The following DACT2 variants were observed in gnomAD, a reference collection of about 807,000 sequenced individuals.
DACT2 encodes dishevelled binding antagonist of beta catenin 2.
In DACT2, 20 loss-of-function variants were observed where a neutral mutation model predicts 22.2. That is an observed-to-expected ratio of 0.90 (90% CI 0.63 to 1.31). DACT2 has a LOEUF of 1.31. DACT2 is among the 50% of genes most tolerant of loss of function. The probability of loss-of-function intolerance (pLI) is 0.00; values close to 1 mark genes in which losing one functional copy is unlikely to be tolerated. For synonymous variants in DACT2, 463 were observed against 479.8 expected (o/e 0.96, Z 0.46); for missense variants, 1,048 against 1,061.4 (o/e 0.99, Z 0.18).
At position 168,319,743 on chromosome 6, in the gene DACT2, C is replaced by G; in HGVS notation, c.-110G>C. On this transcript the variant is annotated 5_prime_UTR_variant, in exon 1 of 4. Coordinates refer to ENST00000366795, the MANE Select transcript of DACT2 (RefSeq NM_214462.5). ...CCTCCTGCGCCTCCTCTCTCCGCCC[C>G]CGGCTCCGCAGGTCGCCAAGGTGGG... The G allele has an allele frequency of 2.5e-6, 3 of 1,179,276 alleles. No individual in the cohort carries two copies. Among genetic ancestry groups the G allele is most frequent in the Non-Finnish European group, 3.1e-6 (3 of 954,164 alleles). The allele number at this position is 1,179,276 out of a possible 1,614,324, so 73.1% of individuals were successfully genotyped here.
At position 168,307,685 on chromosome 6, in the gene DACT2, G is replaced by A. The variant is rs1405270512; in HGVS notation, c.2072C>T (p.Thr691Ile). The change falls in exon 4 of 4, where the codon ACC (threonine) becomes ATC (isoleucine). Residue 691 changes from threonine to isoleucine, a missense_variant. Thr to Ile is a moderately conservative substitution (Grantham distance 89). Transcript: ENST00000366795. The surrounding 1 kb of genome is among the most constrained non-coding windows in gnomAD (Gnocchi z 5.3). ...TSEGESSDHT[T>I]NRFGDRESSS... ...GGACTCACGGTCTCCGAATCGGTTG[G>A]TGGTGTGGTCACTGGACTCTCCCTC... is the stretch of plus-strand genomic sequence containing the variant. The A allele has an allele frequency of 2.6e-6, 4 of 1,550,278 alleles. No homozygotes were observed. Among genetic ancestry groups the A allele is most frequent in the African/African-American group, 2.7e-5 (2 of 73,052 alleles).
At chr6:168,297,785 C>T (rs911262849) in intron 3 of DACT2, among the ~76,000 whole-genome samples, 4 of 152,196 alleles carry the variant, frequency 2.6e-5, no homozygotes, top group Non-Finnish European at 4.4e-5. Flanking sequence ...GAAACGGCAA[C>T]GTAAGAGTCC....
chr6:168,309,470 C>CGTTTGCGTGT (rs59843126), intron 3 of DACT2, among the ~76,000 whole-genome samples: 1 of 151,936 alleles, frequency 6.6e-6, no homozygotes, highest in Non-Finnish European at 1.5e-5. Flanking sequence ...GGTGCGGGGC[C>CGTTTGCGTGT]CTATTTGCGC....
At chr6:168,314,079 C>A (rs1219174416) in intron 1 of DACT2, among the ~76,000 whole-genome samples, 1 of 152,190 alleles carries the variant, frequency 6.6e-6, no homozygotes, top group African/African-American at 2.4e-5. Context: ...TTAACTCTTT[C>A]TTAGGGTCAG....
rs144229514 is a variant in DACT2 at position 168,315,830 on chromosome 6, C to T, written c.246+3558G>A. Among the ~76,000 whole-genome samples, 389 of 152,242 alleles carry T rather than the reference C, an allele frequency of 2.6e-3. 4 individuals are homozygous for T. Among genetic ancestry groups the T allele is most frequent in the African/African-American group, 8.7e-3 (361 of 41,532 alleles). On this transcript the variant is annotated intron_variant, in intron 1 of 3. Transcript: ENST00000366795. ...ATGGACAGGTGAGCACCAGGGTGGGCGGAGGGAACCCTGAGTTAGCCGGGA... is the reference window on the plus strand; with the variant it reads ...ATGGACAGGTGAGCACCAGGGTGGGTGGAGGGAACCCTGAGTTAGCCGGGA...
chr6:168,310,311 C>T lies in DACT2; in HGVS notation c.515G>A (p.Gly172Glu). 1 of 1,551,632 alleles carries T rather than the reference C, an allele frequency of 6.4e-7. No homozygotes were observed. ...AQAHKARPSM[G>E]DWRPRSVDET... ...ATCAACCGACCGGGGCCTCCAGTCC[C>T]CCATGCTGGGCCTGGCCTTGTGGGC... The change falls in exon 3 of 4, where the codon GGG becomes GAG. Residue 172 changes from glycine to glutamate, a missense_variant. Gly to Glu is a moderately conservative substitution (Grantham distance 98). Coordinates refer to ENST00000366795, the MANE Select transcript of DACT2 (RefSeq NM_214462.5).
intron 1 of DACT2, among the ~76,000 whole-genome samples, chr6:168,312,838 G>A (rs1583301774): frequency 6.6e-6 from 1 of 152,168 alleles, no homozygotes; most frequent in Admixed American, 6.5e-5. Context: ...TTACAAGAGA[G>A]AGGCAGGTAG....
At chr6:168,312,460 G>A (rs1364185762) in intron 1 of DACT2, among the ~76,000 whole-genome samples, 1 of 152,228 alleles carries the variant, frequency 6.6e-6, no homozygotes, top group Non-Finnish European at 1.5e-5. Flanking sequence ...GCCTCCCAAT[G>A]TGCTGGGATT....
intron 3 of DACT2, among the ~76,000 whole-genome samples, chr6:168,296,034 G>A (rs562732707): frequency 7.4e-5 from 11 of 149,044 alleles, no homozygotes; most frequent in African/African-American, 1.3e-4. Context: ...CCGGAATCAC[G>A]GAAAGAGCAG....
chr6:168,306,882 C>A, downstream of DACT2: 4 of 988,530 alleles, frequency 4.0e-6, no homozygotes, highest in Non-Finnish European at 4.8e-6. Context: ...ATGTGCCACA[C>A]AAGGAATCAG....
downstream of DACT2, among the ~76,000 whole-genome samples, chr6:168,302,316 C>G (rs1779125684): frequency 6.6e-6 from 1 of 151,894 alleles, no homozygotes; most frequent in South Asian, 2.1e-4. Context: ...CAATGCTGTC[C>G]CCAAATGTGT....
intron 1 of DACT2, among the ~76,000 whole-genome samples, chr6:168,316,133 G>C (rs975163758): frequency 6.6e-6 from 1 of 152,314 alleles, no homozygotes; most frequent in Non-Finnish European, 1.5e-5. Flanking sequence ...CTTCCAAAAG[G>C]CTACTTGTAA....
intron 1 of DACT2, among the ~76,000 whole-genome samples, chr6:168,316,161 G>C (rs1187377841): frequency 6.6e-6 from 1 of 152,254 alleles, no homozygotes; most frequent in African/African-American, 2.4e-5. Context: ...CTGAGCGCTT[G>C]CAAGTTTGAT....
exon 6 of DACT2, chr6:168,293,714 C>A: frequency 1.6e-6 from 1 of 611,500 alleles, no homozygotes; most frequent in South Asian, 1.9e-5. Flanking sequence ...CACTGACCAG[C>A]AGTCCTTTCT....
chr6:168,299,797 A>G (rs1779072734), intron 3 of DACT2: 1 of 152,288 alleles, frequency 6.6e-6, no homozygotes, highest in Non-Finnish European at 1.5e-5. Context: ...CCATCGTCGG[A>G]CGGTTCTACA....
rs145931031 is a variant in DACT2, at chr6:168,307,555, C to G, written c.2202G>C (p.Pro734=). 6.4e-7 allele frequency: 1 copy of G among 1,551,156 alleles called. No individual in the cohort carries two copies. The highest frequency in any genetic ancestry group is 1.4e-5 in the African/African-American group (1 of 73,042). The change falls in exon 4 of 4, where the codon CCG becomes CCC. Residue 734 remains proline (P), a synonymous_variant. Coordinates refer to ENST00000366795, the MANE Select transcript of DACT2 (RefSeq NM_214462.5). This position sits in a 1 kb window ranked among gnomAD's most constrained non-coding sequence, Gnocchi z 5.3. The stretch of plus-strand genomic sequence containing the variant: ...GGGACAGGAGTGGCCCCGAGCTGAC[C>G]GGGGCCTCCTGGGTCCAGGCCAGCT... ...HAELAWTQEA[P]VSSGPLLSPV... is the part of the protein sequence containing the mutation.
chr6:168,309,261 G>A lies in DACT2; in HGVS notation c.659-163C>T, dbSNP rs148715492. Among the ~76,000 whole-genome samples, 163 of 152,114 alleles carry A rather than the reference G, an allele frequency of 1.1e-3. 3 individuals carry two copies. In the East Asian group the frequency reaches 0.027, roughly 25 times the overall value. Reference sequence around the variant, plus strand: ...CGGCGACTCACAGTCACTGAGGTCCGCGTGTAGACACAGGGCGCGGGGCAG... The same window carrying A: ...CGGCGACTCACAGTCACTGAGGTCCACGTGTAGACACAGGGCGCGGGGCAG... On this transcript the variant is annotated intron_variant, in intron 3 of 3. Coordinates refer to ENST00000366795, the MANE Select transcript of DACT2 (RefSeq NM_214462.5).
intron 1 of DACT2, among the ~76,000 whole-genome samples, chr6:168,315,021 G>C (rs1224682599): frequency 6.6e-6 from 1 of 152,188 alleles, no homozygotes; most frequent in Non-Finnish European, 1.5e-5. Flanking sequence ...CACAAAGCAA[G>C]CACAGCCGGC....
At chr6:168,316,046 A>AC (rs1239864665) in intron 1 of DACT2, among the ~76,000 whole-genome samples, 1 of 152,254 alleles carries the variant, frequency 6.6e-6, no homozygotes, top group Non-Finnish European at 1.5e-5. Flanking sequence ...AAAGTTTCAA[A>AC]ACAAAGTCTG....
Sources: gnomAD v4.1 joint callset for allele counts (sites outside exome capture counted in the v4.1 genomes callset) on GRCh38, gnomAD v4.1.1 for gene constraint, Gnocchi (gnomAD v3.1) non-coding constraint, MANE v1.5 for transcripts, NCBI Gene and HGNC (gene_info 2026-07-23, HGNC 2026-07-21) for gene names.